The following DSTN variants were observed in gnomAD, a reference collection of about 807,000 sequenced individuals.
The protein encoded by DSTN is destrin, actin depolymerizing factor, also known as destrin.
DSTN carries 10 observed loss-of-function variants against 16.8 expected under a neutral mutation model. The observed-to-expected ratio is 0.60, with a 90% CI of 0.37 to 1.01. The LOEUF is 1.01. Among genes scored for constraint, DSTN ranks in the 50% least tolerant of loss-of-function variants. The pLI, the probability that DSTN is intolerant of heterozygous loss-of-function variation, is 0.01. For synonymous variants in DSTN, 57 were observed against 58.9 expected, an observed-to-expected ratio of 0.97 and a Z score of 0.14; for missense variants, 141 against 196.7, an observed-to-expected ratio of 0.72 and a Z score of 1.69.
rs545974212 is a variant in DSTN, at chr20:17,570,732, C to G, written c.3+521C>G. 5.3e-5 allele frequency among the ~76,000 whole-genome samples: 8 copies of G among 152,350 alleles called. No homozygotes were observed. In the South Asian group the frequency reaches 1.7e-3, roughly 32 times the overall value. On this transcript the variant is annotated intron_variant, in intron 1 of 3. Coordinates refer to ENST00000246069, the MANE Select transcript of DSTN (RefSeq NM_006870.4). The stretch of plus-strand genomic sequence containing the variant: ...AAGATAAAGCCTTTATGGAACAGTC[C>G]TAGAGCACGGAATGATCGCTAACGA...
rs868000848 is a variant in DSTN at position 17,582,871 on chromosome 20, C to T, written c.3+12660C>T. Among the ~76,000 whole-genome samples, 23 of 152,230 alleles carry T rather than the reference C, an allele frequency of 1.5e-4. 1 individual carries two copies. The Middle Eastern group carries it at 0.024, about 158-fold the overall frequency. ...TGACAAAAATAGATAAATTGGACTTCATTGTATTCAAAAATGTTCATCAAA... is the reference window on the plus strand; with the variant it reads ...TGACAAAAATAGATAAATTGGACTTTATTGTATTCAAAAATGTTCATCAAA... On this transcript the variant is annotated intron_variant, in intron 1 of 3. Coordinates refer to ENST00000246069, the MANE Select transcript of DSTN (RefSeq NM_006870.4).
intron 2 of DSTN, among the ~76,000 whole-genome samples, chr20:17,601,876 C>T (rs1600712969): frequency 6.6e-6 from 1 of 151,822 alleles, no homozygotes; most frequent in East Asian, 1.9e-4. Context: ...CTTGATATGG[C>T]CAGGAGTAGA....
chr20:17,601,677 T>C (rs1363043641), intron 2 of DSTN, among the ~76,000 whole-genome samples: 3 of 152,338 alleles, frequency 2.0e-5, no homozygotes, highest in Non-Finnish European at 2.9e-5. Context: ...ATTTCCATCA[T>C]TGCAGAAAAC....
chr20:17,578,053 T>C (rs1022734552), intron 1 of DSTN, among the ~76,000 whole-genome samples: 1 of 152,250 alleles, frequency 6.6e-6, no homozygotes, highest in Non-Finnish European at 1.5e-5. Flanking sequence ...ACCTAAGACT[T>C]TGTGAGTTGG....
chr20:17,585,883 G>A (rs1350422608), intron 1 of DSTN, among the ~76,000 whole-genome samples: 2 of 152,138 alleles, frequency 1.3e-5, no homozygotes, highest in Non-Finnish European at 2.9e-5. Flanking sequence ...AAGCATTTGT[G>A]CCTCAGCAGT....
At chr20:17,592,050 G>T in intron 1 of DSTN, 1 of 985,370 alleles carries the variant, frequency 1.0e-6, no homozygotes, top group African/African-American at 1.7e-5. Flanking sequence ...GGCAGTGTTG[G>T]GCCAGGCTTT....
In DSTN at chr20:17,574,798, CT is replaced by C. The variant is rs1366122925; in HGVS notation, c.3+4591del. ...AAAACAAGTAAACATGACTGACTTT[CT>C]TTTCTTTCTCCTTTCCTTTCCTTTT... On this transcript the variant is annotated intron_variant, in intron 1 of 3. Transcript: ENST00000246069. Among the ~76,000 whole-genome samples, 10 of 138,604 alleles carry C rather than the reference CT, an allele frequency of 7.2e-5. No individual in the cohort carries two copies. The East Asian group carries it at 2.3e-3, about 32-fold the overall frequency. The allele number at this position is 138,604 out of a possible 152,430, so 90.9% of individuals were successfully genotyped here.
chr20:17,588,659 C>T (rs1323142514), intron 1 of DSTN, among the ~76,000 whole-genome samples: 1 of 152,146 alleles, frequency 6.6e-6, no homozygotes, highest in Non-Finnish European at 1.5e-5. Flanking sequence ...TGGCGGGCGC[C>T]TGTAGTCCCA....
rs775366995 is a variant in DSTN at position 17,604,516 on chromosome 20, C to G, written c.312-39C>G. Reference sequence around the variant, plus strand: ...TAACAAGTTGCAAGTTATACTTTCTCTAAACCACTTTTTTCATTTTTGGCA... The same window carrying G: ...TAACAAGTTGCAAGTTATACTTTCTGTAAACCACTTTTTTCATTTTTGGCA... On this transcript the variant is annotated intron_variant, in intron 2 of 3. Transcript: ENST00000246069. The G allele has an allele frequency of 6.3e-6, 10 of 1,590,606 alleles. No homozygotes were observed. The East Asian group carries it at 2.0e-4, about 32-fold the overall frequency.
intron 1 of DSTN, among the ~76,000 whole-genome samples, chr20:17,597,930 A>C (rs1480247419): frequency 1.3e-5 from 2 of 152,228 alleles, no homozygotes; most frequent in Non-Finnish European, 2.9e-5. Context: ...ATTGCATATA[A>C]ATAGAATCAT....
intron 1 of DSTN, among the ~76,000 whole-genome samples, chr20:17,598,485 G>A (rs73258697): frequency 1.9e-4 from 29 of 152,060 alleles, no homozygotes; most frequent in African/African-American, 3.6e-4. Flanking sequence ...TTTTTTCCAC[G>A]TCCTTATTAA....
chr20:17,596,826 T>C (rs2035531645), intron 1 of DSTN: 3 of 984,884 alleles, frequency 3.0e-6, no homozygotes, highest in South Asian at 4.7e-5. Flanking sequence ...GATTTATCTG[T>C]TTTATAATTG....
intron 1 of DSTN, among the ~76,000 whole-genome samples, chr20:17,570,605 C>T (rs1390504293): frequency 1.3e-5 from 2 of 151,708 alleles, no homozygotes; most frequent in Non-Finnish European, 2.9e-5. Flanking sequence ...CGTCGGAATC[C>T]GGCCACCGTC....
At position 17,574,758 on chromosome 20, in the gene DSTN, A is replaced by G. The variant is rs1007635269; in HGVS notation, c.3+4547A>G. Among the ~76,000 whole-genome samples, 9 of 149,836 alleles carry G rather than the reference A, an allele frequency of 6.0e-5. 1 individual carries two copies. In the East Asian group the frequency reaches 7.8e-4, roughly 13 times the overall value. On this transcript the variant is annotated intron_variant, in intron 1 of 3. Transcript: ENST00000246069. ...AAAAAAAAAAAAAAATTAAAAGTCT[A>G]AAAAACAAACATGCAAAACAAGTAA...
chr20:17,598,191 T>C (rs1395989007), intron 1 of DSTN, among the ~76,000 whole-genome samples: 1 of 152,248 alleles, frequency 6.6e-6, no homozygotes, highest in African/African-American at 2.4e-5. Flanking sequence ...TTTTCATTTC[T>C]CTTGAGTATA....
intron 1 of DSTN, among the ~76,000 whole-genome samples, chr20:17,586,855 G>A: frequency 6.6e-6 from 1 of 152,182 alleles, no homozygotes. Context: ...ACATTTTACA[G>A]ATGATGAAGC....
intron 2 of DSTN, among the ~76,000 whole-genome samples, chr20:17,603,679 T>C (rs1362966595): frequency 6.6e-6 from 1 of 152,250 alleles, no homozygotes; most frequent in Admixed American, 6.5e-5. Flanking sequence ...TATGCTGTGC[T>C]TCTAACACGC....
rs897520127 is a variant in DSTN, at chr20:17,609,115, A to G, written c.*1969A>G. The G allele has an allele frequency of 2.6e-5, 4 of 152,230 alleles. No individual in the cohort carries two copies. Among genetic ancestry groups the G allele is most frequent in the Non-Finnish European group, 4.4e-5 (3 of 68,032 alleles). The allele number at this position is 152,230 out of a possible 1,614,324, so 9.4% of individuals were successfully genotyped here. On this transcript the variant is annotated 3_prime_UTR_variant, in exon 4 of 4. Coordinates refer to ENST00000246069, the MANE Select transcript of DSTN (RefSeq NM_006870.4). ...GTGAGACAAGATTATGCTTTAATCA[A>G]AATATTTTGGAATTGTCTAGAAAAT...
In DSTN at chr20:17,570,098, C is replaced by T. The variant is rs550372531; in HGVS notation, c.-111C>T. 3 of 1,461,858 alleles carry T rather than the reference C, an allele frequency of 2.1e-6. No homozygotes were observed. The highest frequency in any genetic ancestry group is 1.5e-5 in the African/African-American group (1 of 67,628). 90.6% of individuals were successfully genotyped at this position (1,461,858 alleles called of 1,614,324 possible). On this transcript the variant is annotated 5_prime_UTR_variant, in exon 1 of 4. Transcript: ENST00000246069. ...CCGCCCCGGGGTAAGCTCGCGCCGCCGCGTCAGCTCAGCGCTGGGTCTCTC... is the reference window on the plus strand; with the variant it reads ...CCGCCCCGGGGTAAGCTCGCGCCGCTGCGTCAGCTCAGCGCTGGGTCTCTC...
Sources: allele counts gnomAD v4.1 joint callset (sites outside exome capture counted in the v4.1 genomes callset), GRCh38; gene constraint gnomAD v4.1.1; transcripts MANE v1.5; gene names NCBI Gene and HGNC (gene_info 2026-07-23, HGNC 2026-07-21).